The following VSIG1 variants were observed in gnomAD, a reference collection of about 807,000 sequenced individuals.
VSIG1 encodes V-set and immunoglobulin domain containing 1, also known as V-set and immunoglobulin domain-containing protein 1.
VSIG1 carries 11 observed loss-of-function variants against 20.1 expected under a neutral mutation model. That is an observed-to-expected ratio of 0.55 (90% confidence interval 0.34 to 0.91). The LOEUF (loss-of-function observed/expected upper bound fraction) is 0.91. VSIG1 is among the 40% of genes least tolerant of loss of function. The pLI, the probability that VSIG1 is intolerant of heterozygous loss-of-function variation, is 0.02. For synonymous variants in VSIG1, 126 were observed against 116.7 expected, an observed-to-expected ratio of 1.08 and a Z score of -0.52; for missense variants, 283 against 298.8, an observed-to-expected ratio of 0.95 and a Z score of 0.39.
intron 3 of VSIG1, 135 bp downstream of exon 3, chrX:108,067,269 T>C (rs2031151880): frequency 1.5e-6 from 1 of 677,360 alleles, no homozygotes; most frequent in Non-Finnish European, 2.2e-6. Context: ...ATCAGGGAAA[T>C]AGAGACAAGC....
At chrX:108,063,494 C>T (rs2031069749) in intron 2 of VSIG1, among the ~76,000 whole-genome samples, 1 of 111,024 alleles carries the variant, frequency 9.0e-6, no homozygotes, top group Non-Finnish European at 1.9e-5. Flanking sequence ...AGTCGGCCTG[C>T]CCAGTATTTT....
the VSIG1 span, among the ~76,000 whole-genome samples, chrX:108,021,838 C>A: frequency 8.9e-6 from 1 of 112,008 alleles, no homozygotes; most frequent in Non-Finnish European, 1.9e-5. Context: ...ATGGTCTTGG[C>A]ACCCTTGTCA....
At chrX:108,072,288 T>C (rs1287993609) in intron 3 of VSIG1, among the ~76,000 whole-genome samples, 1 of 111,081 alleles carries the variant, frequency 9.0e-6, no homozygotes, top group Admixed American at 9.6e-5. Flanking sequence ...AGTCTCACTT[T>C]GTTGCTCAGG....
At chrX:108,035,275 A>AT in the VSIG1 span, among the ~76,000 whole-genome samples, 3 of 110,439 alleles carry the variant, frequency 2.7e-5, no homozygotes, top group African/African-American at 9.9e-5. Context: ...ATTTTTTTGT[A>AT]TTTTTAGTAG....
At chrX:108,057,137 A>G (rs2030917248) in intron 1 of VSIG1, among the ~76,000 whole-genome samples, 1 of 112,564 alleles carries the variant, frequency 8.9e-6, no homozygotes, top group Non-Finnish European at 1.9e-5. Flanking sequence ...AGAGTCATCA[A>G]TTCCAAAAGG....
At chrX:108,072,869 G>A in intron 4 of VSIG1, 37 bp downstream of exon 4, 1 of 1,184,618 alleles carries the variant, frequency 8.4e-7, no homozygotes, top group South Asian at 1.8e-5. Context: ...GAAAGGCCTG[G>A]TGTCTGTGGT....
At chrX:108,030,621 C>T in the VSIG1 span, among the ~76,000 whole-genome samples, 1 of 112,356 alleles carries the variant, frequency 8.9e-6, no homozygotes. Flanking sequence ...TGTTAAGTAA[C>T]TCCTTGAGCC....
In VSIG1 at chrX:108,048,001, T is replaced by TATAC. The variant is rs1555980440; in HGVS notation, c.49+2823_49+2824insTACA. Among the ~76,000 whole-genome samples, 311 of 59,536 alleles carry TATAC rather than the reference T, an allele frequency of 5.2e-3. 20 individuals are homozygous for TATAC. The highest frequency in any genetic ancestry group is 0.018 in the African/African-American group (232 of 13,039). The allele number at this position is 59,536 out of a possible 115,157, so 51.7% of individuals were successfully genotyped here. A position where few individuals can be genotyped will look rare whatever the true frequency, so the allele number is the denominator to read the frequency against. ...ATATATATATATATATATATATATA[T>TATAC]ACACATATATATATTCTTTTGAGAC... On this transcript the variant is annotated intron_variant, in intron 1 of 6. Transcript: ENST00000217957.
intron 2 of VSIG1, among the ~76,000 whole-genome samples, chrX:108,060,277 A>G (rs1569290164): frequency 8.9e-6 from 1 of 111,936 alleles, no homozygotes. Flanking sequence ...GAATGTCCAC[A>G]TCAAAGGAGG....
intron 1 of VSIG1, 46 bp downstream of exon 1, chrX:108,045,225 T>A: frequency 9.3e-7 from 1 of 1,074,170 alleles, no homozygotes; most frequent in Non-Finnish European, 1.3e-6. Flanking sequence ...GGAAACAGAG[T>A]TTCCTTTTAA....
chrX:108,076,692 A>G (rs1722630283), intron 6 of VSIG1, among the ~76,000 whole-genome samples: 2 of 110,875 alleles, frequency 1.8e-5, no homozygotes, highest in Admixed American at 9.6e-5. Flanking sequence ...ACAACTATCT[A>G]TTGGGTATCA....
At chrX:108,066,866 G>T in intron 2 of VSIG1, 70 bp from the exon 3 acceptor site, 1 of 1,005,112 alleles carries the variant, frequency 9.9e-7, no homozygotes, top group Admixed American at 2.2e-5. Flanking sequence ...GTGTTTAGAA[G>T]AAGCTTTCAG....
Position 108,046,936 on chromosome X carries a change from G to A in VSIG1, c.49+1757G>A, listed in dbSNP as rs781695164. Among the ~76,000 whole-genome samples, 3 of 110,258 alleles carry A rather than the reference G, an allele frequency of 2.7e-5. No individual in the cohort carries two copies. In the Admixed American group the frequency reaches 2.9e-4, roughly 11 times the overall value. On this transcript the variant is annotated intron_variant, in intron 1 of 6. Transcript: ENST00000217957. ...TATCTACACACATATTATCTAGTTG[G>A]CCCAAAGCAGTAGTGTCAGTACAGC... is the stretch of plus-strand genomic sequence containing the variant.
chrX:108,049,595 G>T (rs1176100080), intron 1 of VSIG1, among the ~76,000 whole-genome samples: 2 of 111,876 alleles, frequency 1.8e-5, no homozygotes, highest in Non-Finnish European at 3.8e-5. Context: ...TGCCTTATCT[G>T]TTCATAAATT....
chrX:108,056,810 A>G (rs1439421963), intron 1 of VSIG1, among the ~76,000 whole-genome samples: 6 of 112,441 alleles, frequency 5.3e-5, no homozygotes, highest in Admixed American at 9.4e-5. Flanking sequence ...AGGTACAGTC[A>G]TTCTGGAAAA....
intron 5 of VSIG1, 134 bp from the exon 6 acceptor site, chrX:108,075,943 G>T: frequency 1.4e-6 from 1 of 738,439 alleles, no homozygotes; most frequent in Admixed American, 3.3e-5. Flanking sequence ...AGTTCTAGGG[G>T]TTTCCATTTC....
chrX:108,034,741 G>A, the VSIG1 span, among the ~76,000 whole-genome samples: 1 of 111,671 alleles, frequency 9.0e-6, no homozygotes, highest in Non-Finnish European at 1.9e-5. Context: ...CTTATTTCGT[G>A]GATGAGGAAA....
intron 1 of VSIG1, among the ~76,000 whole-genome samples, chrX:108,047,821 C>A (rs1007820890): frequency 2.3e-5 from 1 of 43,882 alleles, no homozygotes; most frequent in Non-Finnish European, 4.0e-5. Context: ...TATATATATA[C>A]ATATATATAC....
intron 2 of VSIG1, 63 bp from the exon 3 acceptor site, chrX:108,066,873 T>C: frequency 9.4e-7 from 1 of 1,058,350 alleles, no homozygotes; most frequent in African/African-American, 1.8e-5. Flanking sequence ...GAAGAAGCTT[T>C]CAGGTAGCTT....
Sources: allele counts gnomAD v4.1 joint callset (sites outside exome capture counted in the v4.1 genomes callset), GRCh38; gene constraint gnomAD v4.1.1; transcripts MANE v1.5; gene names NCBI Gene and HGNC (gene_info 2026-07-23, HGNC 2026-07-21).